MICU3: variants seen among roughly 807,000 people sequenced by gnomAD.
MICU3 encodes the protein mitochondrial calcium uptake 3.
A neutral mutation model predicts 66.5 loss-of-function variants in MICU3; 62 were observed. The ratio of observed to expected loss-of-function variants is 0.93; its 90% CI spans 0.76 to 1.15. The LOEUF is 1.15. Ranked by LOEUF, MICU3 falls within the 50% of genes most tolerant of loss-of-function variation. The pLI, the probability that MICU3 is intolerant of heterozygous loss-of-function variation, is 0.00. For synonymous variants in MICU3, 308 were observed against 240.7 expected (o/e 1.28, Z -2.59); for missense variants, 779 against 664.4 (o/e 1.17, Z -1.90).
the MICU3 span, among the ~76,000 whole-genome samples, chr8:17,134,496 G>A: frequency 6.6e-6 from 1 of 152,086 alleles, no homozygotes; most frequent in Non-Finnish European, 1.5e-5. Flanking sequence ...TCAGGCTGGA[G>A]TGCGGTGGCA....
At chr8:17,077,059 G>T (rs1043306106) in intron 3 of MICU3, among the ~76,000 whole-genome samples, 2 of 152,132 alleles carry the variant, frequency 1.3e-5, no homozygotes, top group African/African-American at 4.8e-5. Context: ...AATTGATTTA[G>T]CATATGAGTA....
chr8:17,110,277 C>CA (rs1802076078), intron 11 of MICU3, among the ~76,000 whole-genome samples: 1 of 152,020 alleles, frequency 6.6e-6, no homozygotes, highest in Non-Finnish European at 1.5e-5. Context: ...ATTTGTATAA[C>CA]AAAAAATTAA....
At chr8:17,099,238 A>T (rs1381122329) in intron 9 of MICU3, among the ~76,000 whole-genome samples, 1 of 151,664 alleles carries the variant, frequency 6.6e-6, no homozygotes, top group Non-Finnish European at 1.5e-5. Context: ...CTTATTAAGA[A>T]TTTTTCCTAA....
chr8:17,048,401 G>A (rs776922973), intron 1 of MICU3, among the ~76,000 whole-genome samples: 29 of 152,122 alleles, frequency 1.9e-4, no homozygotes, highest in Non-Finnish European at 3.5e-4. Context: ...TTACATGGAG[G>A]CAGGAAAGAG....
intron 8 of MICU3, among the ~76,000 whole-genome samples, chr8:17,090,898 G>A (rs1272331140): frequency 6.6e-6 from 1 of 152,052 alleles, no homozygotes; most frequent in African/African-American, 2.4e-5. Flanking sequence ...TGTAGAGAGA[G>A]CAGATTCTCA....
At chr8:17,068,051 G>C (rs1818990146) in intron 2 of MICU3, among the ~76,000 whole-genome samples, 1 of 151,854 alleles carries the variant, frequency 6.6e-6, no homozygotes, top group South Asian at 2.1e-4. Flanking sequence ...TTTTAATTTA[G>C]ATTTTTAAAA....
the MICU3 span, among the ~76,000 whole-genome samples, chr8:17,135,573 G>GCAAAT: frequency 2.6e-5 from 4 of 151,944 alleles, no homozygotes; most frequent in African/African-American, 9.7e-5. Context: ...GCAAACTAAG[G>GCAAAT]CAAATGTGTC....
chr8:17,071,772 C>T (rs1819621226), intron 3 of MICU3, among the ~76,000 whole-genome samples: 1 of 151,980 alleles, frequency 6.6e-6, no homozygotes, highest in Admixed American at 6.6e-5. Context: ...TGCTCCACAC[C>T]AGCGAGAGCA....
chr8:17,042,203 A>G (rs373738107), intron 1 of MICU3, among the ~76,000 whole-genome samples: 3 of 152,324 alleles, frequency 2.0e-5, no homozygotes, highest in African/African-American at 7.2e-5. Context: ...CCATGATGCA[A>G]TATTTAACTT....
At chr8:17,104,514 A>T in intron 10 of MICU3, 23 bp downstream of exon 10, 1 of 1,189,050 alleles carries the variant, frequency 8.4e-7, no homozygotes, top group South Asian at 1.9e-5. Flanking sequence ...TTATATTTTT[A>T]TTAAAAATTA....
At chr8:17,088,430 A>T (rs1438057297) in intron 7 of MICU3, among the ~76,000 whole-genome samples, 1 of 152,038 alleles carries the variant, frequency 6.6e-6, no homozygotes, top group Non-Finnish European at 1.5e-5. Context: ...ATACTTTCTT[A>T]AATTTTATTT....
chr8:17,119,036 T>A (rs1317375445), intron 14 of MICU3, among the ~76,000 whole-genome samples: 1 of 152,194 alleles, frequency 6.6e-6, no homozygotes, highest in African/African-American at 2.4e-5. Flanking sequence ...TTACTGTTTT[T>A]TAGGATCATG....
chr8:17,079,398 C>T (rs1487144284), intron 4 of MICU3, among the ~76,000 whole-genome samples: 1 of 151,978 alleles, frequency 6.6e-6, no homozygotes, highest in Non-Finnish European at 1.5e-5. Flanking sequence ...GATGCATGAT[C>T]CCAGAAAGTT....
chr8:17,070,560 G>A (rs1467879862), intron 3 of MICU3, among the ~76,000 whole-genome samples: 1 of 151,804 alleles, frequency 6.6e-6, no homozygotes, highest in East Asian at 1.9e-4. Context: ...TTAAAGTACT[G>A]CTAATTTTCT....
chr8:17,055,029 G>GTAAT (rs1816706070), intron 1 of MICU3, among the ~76,000 whole-genome samples: 1 of 152,108 alleles, frequency 6.6e-6, no homozygotes, highest in African/African-American at 2.4e-5. Context: ...GAGCCACCGT[G>GTAAT]CCCAGCCCCA....
the MICU3 span, among the ~76,000 whole-genome samples, chr8:17,136,550 C>T: frequency 6.6e-6 from 1 of 152,106 alleles, no homozygotes; most frequent in Admixed American, 6.6e-5. Context: ...ATTAGAGCCT[C>T]TGCTCACTCA....
chr8:17,073,307 C>G (rs1563332570), intron 3 of MICU3, among the ~76,000 whole-genome samples: 1 of 152,146 alleles, frequency 6.6e-6, no homozygotes, highest in Non-Finnish European at 1.5e-5. Flanking sequence ...ACATTACTGC[C>G]TGAGCTCTGC....
chr8:17,069,708 C>G lies in MICU3; in HGVS notation c.556C>G (p.Leu186Val). The change falls in exon 3 of 15, where the codon CTT becomes GTT. Residue 186 changes from leucine to valine, a missense_variant. Leu to Val is a conservative substitution (Grantham distance 32). Coordinates refer to ENST00000318063, the MANE Select transcript of MICU3 (RefSeq NM_181723.3). The stretch of plus-strand genomic sequence containing the variant: ...TTTAGTTGCCAAAACTTGGAAGTCA[C>G]TTTCCAAACAGGTGAGTTAAAGCTC... Reference protein sequence around the residue: ...EPKVAKTWKSLSKQELNQMLA... With the variant: ...EPKVAKTWKSVSKQELNQMLA... The G allele has an allele frequency of 6.5e-7, 1 of 1,544,966 alleles. No individual in the cohort carries two copies. Among genetic ancestry groups the G allele is most frequent in the Non-Finnish European group, 8.8e-7 (1 of 1,140,562 alleles).
rs1803216834 is a variant in MICU3 at position 17,121,820 on chromosome 8, G to A, written c.*1533G>A. On this transcript the variant is annotated 3_prime_UTR_variant, in exon 15 of 15. Transcript: ENST00000318063. ...AAAATATATTATTCATAAGTTCAAGGATCCCATATAGTATAAGAATATAAT... is the reference window on the plus strand; with the variant it reads ...AAAATATATTATTCATAAGTTCAAGAATCCCATATAGTATAAGAATATAAT... The A allele has an allele frequency of 6.6e-6, 1 of 151,584 alleles. No individual in the cohort carries two copies. The highest frequency in any genetic ancestry group is 1.5e-5 in the Non-Finnish European group (1 of 67,628). 9.4% of individuals were successfully genotyped at this position (151,584 alleles called of 1,614,324 possible).
Sources: allele counts gnomAD v4.1 joint callset (sites outside exome capture counted in the v4.1 genomes callset), GRCh38; gene constraint gnomAD v4.1.1; transcripts MANE v1.5; gene names NCBI Gene and HGNC (gene_info 2026-07-23, HGNC 2026-07-21).